TRIP12: variants seen among roughly 807,000 people sequenced by gnomAD.
The protein encoded by TRIP12 is E3 ubiquitin-protein ligase TRIP12.
TRIP12 carries 25 observed loss-of-function variants against 244.2 expected under a neutral mutation model. The ratio of observed to expected loss-of-function variants is 0.10; its 90% confidence interval spans 0.07 to 0.14. The LOEUF (loss-of-function observed/expected upper bound fraction) is 0.14, where lower values mean the gene tolerates loss of function less well. Ranked by LOEUF, TRIP12 falls within the 10% of genes least tolerant of loss-of-function variation. TRIP12 has a pLI of 1.00. For synonymous variants in TRIP12, 905 were observed against 873.1 expected (o/e 1.04, Z -0.64); for missense variants, 1,677 against 2,486.4 (o/e 0.67, Z 6.92).
At chr2:229,880,205 G>A (rs2064533758) in intron 1 of TRIP12, 77 bp from the exon 2 acceptor site, 1 of 886,452 alleles carries the variant, frequency 1.1e-6, no homozygotes, top group African/African-American at 1.7e-5. Flanking sequence ...GGAACTTACG[G>A]TGACATGGAA....
chr2:229,819,217 C>A (rs1200093894), intron 8 of TRIP12, among the ~76,000 whole-genome samples: 2 of 152,122 alleles, frequency 1.3e-5, no homozygotes, highest in Non-Finnish European at 2.9e-5. Flanking sequence ...CAGAGAAGTA[C>A]GTTGTCATTA....
chr2:229,916,601 T>C (rs2075434889), intron 1 of TRIP12, among the ~76,000 whole-genome samples: 1 of 152,154 alleles, frequency 6.6e-6, no homozygotes. Context: ...TGCCAATAGC[T>C]TCTGCACTCT....
intron 39 of TRIP12, 88 bp downstream of exon 39, chr2:229,771,431 G>C (rs1245629080): frequency 8.9e-7 from 1 of 1,126,488 alleles, no homozygotes; most frequent in Non-Finnish European, 1.3e-6. Flanking sequence ...TTGTTTTTGT[G>C]CAACAATACG....
intron 4 of TRIP12, among the ~76,000 whole-genome samples, chr2:229,851,524 C>G (rs879416840): frequency 2.0e-5 from 3 of 152,114 alleles, no homozygotes; most frequent in Non-Finnish European, 4.4e-5. Flanking sequence ...AGCAGGCTGC[C>G]CGAGCCAGCA....
At chr2:229,843,596 A>G (rs1268949028) in intron 4 of TRIP12, among the ~76,000 whole-genome samples, 7 of 152,174 alleles carry the variant, frequency 4.6e-5, no homozygotes, top group Non-Finnish European at 5.9e-5. Flanking sequence ...CAAAAAACAC[A>G]GGCTGGATAT....
rs2048220687 is a variant in TRIP12, at chr2:229,815,308, T to C, written c.1600A>G (p.Ile534Val). Reference protein sequence around the residue: ...FPVKSVVPALITLLQMEHNFD... With the variant: ...FPVKSVVPALVTLLQMEHNFD... ...TTGTGCTCCATCTGAAGTAACGTAA[T>C]CTGTTAAAAAGATAACAAAATATTA... is the stretch of plus-strand genomic sequence containing the variant. The change falls in exon 10 of 42, where the codon ATT becomes GTT. Residue 534 changes from isoleucine (I) to valine (V), a missense_variant and splice_region_variant. This residue lies in a region of TRIP12 where 572 missense variants were observed against 867.8 expected (regional missense o/e 0.66). Coordinates refer to ENST00000675903, the MANE Select transcript of TRIP12 (RefSeq NM_001348323.3). 1.4e-6 allele frequency: 2 copies of C among 1,421,624 alleles called. No homozygotes were observed. The allele number at this position is 1,421,624 out of a possible 1,614,324, so 88.1% of individuals were successfully genotyped here. A position where few individuals can be genotyped will look rare whatever the true frequency, so the allele number is the denominator to read the frequency against.
At position 229,767,605 on chromosome 2, in the gene TRIP12, T is replaced by A. The variant is rs779710378; in HGVS notation, c.6153A>T (p.Glu2051Asp). 11 of 1,613,834 alleles carry A rather than the reference T, an allele frequency of 6.8e-6. No individual in the cohort carries two copies. The African/African-American group carries it at 1.5e-4, about 22-fold the overall frequency. ...CTTCTCTTGCTGCTATCAACAGTTT[T>A]TCACGCATTATCTCAATGCTTGAAT... is the stretch of plus-strand genomic sequence containing the variant. ...PDYSSIEIMR[E>D]KLLIAAREGQ... Residue 2051 changes from glutamate (E) to aspartate (D), a missense_variant, in exon 42 of 42, where the codon GAA becomes GAT. This residue lies in a region of TRIP12 where 171 missense variants were observed against 388.4 expected (regional missense o/e 0.44). Coordinates refer to ENST00000675903, the MANE Select transcript of TRIP12 (RefSeq NM_001348323.3).
At position 229,799,291 on chromosome 2, in the gene TRIP12, T is replaced by TCTA; in HGVS notation, c.3296_3298dup (p.Val1099dup). On this transcript the variant is annotated inframe_insertion, in exon 22 of 42. Transcript: ENST00000675903. Reference sequence around the variant, plus strand: ...TTCATCAAAGGGGTTACCTTGATTGTCTACTTTGTCATCATCTCTTGGAGG... The same window carrying TCTA: ...TTCATCAAAGGGGTTACCTTGATTGTCTACTACTTTGTCATCATCTCTTGGAGG... 1 of 1,614,178 alleles carries TCTA rather than the reference T, an allele frequency of 6.2e-7. No homozygotes were observed. The highest frequency in any genetic ancestry group is 8.5e-7 in the Non-Finnish European group (1 of 1,180,006).
chr2:229,792,843 G>C, intron 27 of TRIP12, 130 bp downstream of exon 27: 1 of 950,492 alleles, frequency 1.1e-6, no homozygotes. Context: ...TAAAAGACAG[G>C]AATATAAGTT....
rs150511774 is a variant in TRIP12 at position 229,831,156 on chromosome 2, A to C, written c.1271-317T>G. ...GTCCTGAATCCCTCTTCTGAAAGTC[A>C]ATAAAGAACATACTGCTGTAACAAT... On this transcript the variant is annotated intron_variant, in intron 6 of 41. Transcript: ENST00000675903. The C allele has an allele frequency of 9.8e-4, 703 of 714,560 alleles. 6 individuals are homozygous for C. In the East Asian group the frequency reaches 0.017, roughly 18 times the overall value. The allele number at this position is 714,560 out of a possible 1,614,324, so 44.3% of individuals were successfully genotyped here. A position where few individuals can be genotyped will look rare whatever the true frequency, so the allele number is the denominator to read the frequency against.
At chr2:229,787,281 G>A (rs980285299) in intron 33 of TRIP12, among the ~76,000 whole-genome samples, 7 of 152,026 alleles carry the variant, frequency 4.6e-5, no homozygotes, top group Non-Finnish European at 7.4e-5. Flanking sequence ...AAAGAGAATT[G>A]TAGAAATTAT....
intron 4 of TRIP12, among the ~76,000 whole-genome samples, chr2:229,846,121 A>T (rs949771218): frequency 1.3e-5 from 2 of 152,108 alleles, no homozygotes; most frequent in Non-Finnish European, 2.9e-5. Flanking sequence ...GAAAGGATTT[A>T]AAATATACAT....
At chr2:229,785,070 T>C (rs892569281) in intron 34 of TRIP12, among the ~76,000 whole-genome samples, 3 of 152,344 alleles carry the variant, frequency 2.0e-5, no homozygotes, top group Admixed American at 6.5e-5. Flanking sequence ...GGTGCACCCA[T>C]ATAATGGAAT....
chr2:229,905,903 C>G (rs1044431063), intron 1 of TRIP12, among the ~76,000 whole-genome samples: 1 of 152,134 alleles, frequency 6.6e-6, no homozygotes, highest in African/African-American at 2.4e-5. Context: ...TATAATAAAC[C>G]AATGTTCACT....
intron 13 of TRIP12, among the ~76,000 whole-genome samples, chr2:229,811,686 A>G (rs2047287191): frequency 6.6e-6 from 1 of 152,230 alleles, no homozygotes; most frequent in African/African-American, 2.4e-5. Flanking sequence ...TCACTATGAA[A>G]AAGTTACACT....
intron 1 of TRIP12, among the ~76,000 whole-genome samples, chr2:229,899,326 C>G (rs1186223602): frequency 1.3e-5 from 2 of 152,052 alleles, no homozygotes; most frequent in Non-Finnish European, 2.9e-5. Context: ...GAGGTACTGC[C>G]ACACCTCCAA....
At chr2:229,849,728 C>T (rs2058285069) in intron 4 of TRIP12, among the ~76,000 whole-genome samples, 1 of 151,970 alleles carries the variant, frequency 6.6e-6, no homozygotes, top group Admixed American at 6.6e-5. Context: ...AAAAAATTAG[C>T]TGGGTATGGT....
chr2:229,803,012 T>A lies in TRIP12; in HGVS notation c.2999-553A>T, dbSNP rs141154346. 7.9e-5 allele frequency among the ~76,000 whole-genome samples: 12 copies of A among 152,324 alleles called. No individual in the cohort carries two copies. In the East Asian group the frequency reaches 2.3e-3, roughly 29 times the overall value. On this transcript the variant is annotated intron_variant, in intron 20 of 41. Transcript: ENST00000675903. ...TGTCCCGGAATCATAGGAGAGTATG[T>A]ATGAAGGAGTGTGACTAAGAACTAT...
intron 24 of TRIP12, 115 bp downstream of exon 24, chr2:229,797,575 A>T (rs1291602318): frequency 7.6e-7 from 1 of 1,311,968 alleles, no homozygotes; most frequent in East Asian, 2.4e-5. Context: ...ATAAGGTAAA[A>T]GTCGATGTAG....
Sources: allele counts gnomAD v4.1 joint callset (sites outside exome capture counted in the v4.1 genomes callset), GRCh38; gene constraint gnomAD v4.1.1; regional missense constraint gnomAD v4.1.1; transcripts MANE v1.5; gene names NCBI Gene and HGNC (gene_info 2026-07-23, HGNC 2026-07-21).